SERPINB11: variants seen among roughly 807,000 people sequenced by gnomAD.
SERPINB11 encodes serpin family B member 11.
Under a neutral mutation model 36.7 loss-of-function variants are expected in SERPINB11, and 32 were observed. The observed-to-expected ratio is 0.87, with a 90% CI of 0.66 to 1.17. SERPINB11 has a LOEUF of 1.17. Ranked by LOEUF, SERPINB11 falls within the 50% of genes most tolerant of loss-of-function variation. The probability of loss-of-function intolerance (pLI) is 0.00; values close to 1 mark genes in which losing one functional copy is unlikely to be tolerated. For synonymous variants in SERPINB11, 174 were observed against 168.1 expected, an observed-to-expected ratio of 1.04 and a Z score of -0.27; for missense variants, 528 against 458.4, an observed-to-expected ratio of 1.15 and a Z score of -1.39.
rs149682913 is a variant in SERPINB11 at position 63,718,139 on chromosome 18, A to T, written c.476-1874A>T. Among the ~76,000 whole-genome samples, 59 of 152,070 alleles carry T rather than the reference A, an allele frequency of 3.9e-4. 1 individual carries two copies. In the Middle Eastern group the frequency reaches 0.014, roughly 35 times the overall value. On this transcript the variant is annotated intron_variant, in intron 5 of 7. Transcript: ENST00000544088. ...GTGTGAATCTGCTCCTAGGTTTTCCATTCTCTTTCATTCGTCAATTTGTTT... is the reference window on the plus strand; with the variant it reads ...GTGTGAATCTGCTCCTAGGTTTTCCTTTCTCTTTCATTCGTCAATTTGTTT...
chr18:63,708,083 G>A (rs1914418473), intron 1 of SERPINB11, among the ~76,000 whole-genome samples: 1 of 152,232 alleles, frequency 6.6e-6, no homozygotes, highest in African/African-American at 2.4e-5. Context: ...CCCTGAGGTT[G>A]AATGTACTTG....
chr18:63,705,272 T>A (rs1914342095), intron 1 of SERPINB11: 1 of 152,154 alleles, frequency 6.6e-6, no homozygotes, highest in African/African-American at 2.4e-5. Flanking sequence ...GACGGGGTTT[T>A]CGCCACGTTG....
intron 4 of SERPINB11, among the ~76,000 whole-genome samples, chr18:63,713,825 T>C (rs1425070551): frequency 6.6e-6 from 1 of 152,196 alleles, no homozygotes; most frequent in Non-Finnish European, 1.5e-5. Context: ...ATGATCATGA[T>C]GACATCTGTT....
chr18:63,706,887 T>C (rs1053885992), intron 1 of SERPINB11, among the ~76,000 whole-genome samples: 24 of 152,166 alleles, frequency 1.6e-4, no homozygotes. Flanking sequence ...TTAGACTAGC[T>C]ACCTCACGGA....
chr18:63,712,532 T>C (rs774746085), intron 3 of SERPINB11, 33 bp from the exon 4 acceptor site: 8 of 1,612,378 alleles, frequency 5.0e-6, no homozygotes, highest in Non-Finnish European at 5.9e-6. Context: ...TCAAGCAATT[T>C]AATACATCAT....
chr18:63,711,231 A>G (rs1319711589), intron 2 of SERPINB11, 104 bp from the exon 3 acceptor site: 11 of 795,342 alleles, frequency 1.4e-5, no homozygotes, highest in Non-Finnish European at 1.9e-5. Context: ...AGCTATCACT[A>G]CTGATCTTGA....
Position 63,723,126 on chromosome 18 carries a change from A to C in SERPINB11, c.906A>C (p.Lys302Asn), listed in dbSNP as rs566440577. The C allele has an allele frequency of 8.7e-5, 140 of 1,608,992 alleles. No homozygotes were observed. In the African/African-American group the frequency reaches 1.8e-3, roughly 20 times the overall value. Residue 302 changes from lysine to asparagine, a missense_variant, in exon 8 of 8, where the codon AAA (lysine) becomes AAC (asparagine). By Grantham distance (94) the Lys-to-Asn change is moderately conservative. Transcript: ENST00000544088. ...AGTATGAGCTAAATTCCCTGTTAAA[A>C]TCTCTAGGGGTGACAGATCTCTTCA... ...ETKYELNSLLKSLGVTDLFNQ... is the reference protein window; with the variant it reads ...ETKYELNSLLNSLGVTDLFNQ...
At chr18:63,710,990 G>A (rs1044292530) in intron 2 of SERPINB11, among the ~76,000 whole-genome samples, 5 of 152,168 alleles carry the variant, frequency 3.3e-5, no homozygotes, top group African/African-American at 1.2e-4. Context: ...CCCCAGATGG[G>A]TACTGTCTTA....
At chr18:63,718,120 A>G (rs1914715434) in intron 5 of SERPINB11, among the ~76,000 whole-genome samples, 1 of 151,976 alleles carries the variant, frequency 6.6e-6, no homozygotes, top group Non-Finnish European at 1.5e-5. Context: ...ATGTGTGTGA[A>G]TCTGCTCCTA....
At chr18:63,721,715 A>AGT (rs1485690859) in intron 7 of SERPINB11, among the ~76,000 whole-genome samples, 9 of 151,876 alleles carry the variant, frequency 5.9e-5, no homozygotes, top group Non-Finnish European at 1.3e-4. Flanking sequence ...AGGTGAGCAA[A>AGT]GTGTGTGTGT....
rs548575953 is a variant in SERPINB11 at position 63,709,590 on chromosome 18, G to C, written c.-15-589G>C. On this transcript the variant is annotated intron_variant, in intron 1 of 7. Transcript: ENST00000544088. ...CGCACCACTGCACTCCAGTCTGGGC[G>C]ACAGAGCGAGATTCTGTCTCAAAAA... 4.0e-5 allele frequency among the ~76,000 whole-genome samples: 4 copies of C among 99,828 alleles called. No homozygotes were observed. In the Admixed American group the frequency reaches 4.8e-4, roughly 12 times the overall value. 65.5% of individuals were successfully genotyped at this position (99,828 alleles called of 152,430 possible). A position where few individuals can be genotyped will look rare whatever the true frequency, so the allele number is the denominator to read the frequency against.
chr18:63,710,201 CT>C lies in SERPINB11; in HGVS notation c.9del (p.Leu4SerfsTer16). 2 of 1,604,782 alleles carry C rather than the reference CT, an allele frequency of 1.2e-6. No individual in the cohort carries two copies. Among genetic ancestry groups the C allele is most frequent in the Non-Finnish European group, 1.7e-6 (2 of 1,176,050 alleles). On this transcript the variant is annotated frameshift_variant, in exon 2 of 8. Coordinates refer to ENST00000544088, the MANE Select transcript of SERPINB11 (RefSeq NM_001370475.1). LOFTEE classifies it high-confidence loss of function. The stretch of plus-strand genomic sequence containing the variant: ...CAGGCAGTCGGCATAAAAATGGGTT[CT>C]CTCAGCACAGCTAACGTTGAATTTT... MG[S>X]LSTANVEFCL...
chr18:63,710,633 T>A (rs1447827011), intron 2 of SERPINB11, among the ~76,000 whole-genome samples: 3 of 152,210 alleles, frequency 2.0e-5, no homozygotes, highest in Non-Finnish European at 2.9e-5. Flanking sequence ...TTAGAGTCCC[T>A]TCATTCAGTG....
At chr18:63,710,093 A>T (rs1299846304) in intron 1 of SERPINB11, 86 bp from the exon 2 acceptor site, 17 of 1,115,336 alleles carry the variant, frequency 1.5e-5, no homozygotes, top group Non-Finnish European at 2.0e-5. Flanking sequence ...CCTGATACTT[A>T]AACTCATGAA....
chr18:63,716,270 A>G, intron 5 of SERPINB11, 118 bp downstream of exon 5: 1 of 561,794 alleles, frequency 1.8e-6, no homozygotes, highest in South Asian at 2.8e-5. Context: ...GATCAGCAAG[A>G]AAGGAATGGG....
intron 5 of SERPINB11, among the ~76,000 whole-genome samples, chr18:63,718,433 A>G (rs1228261810): frequency 6.6e-6 from 1 of 151,914 alleles, no homozygotes; most frequent in Non-Finnish European, 1.5e-5. Flanking sequence ...ACCTCTATAC[A>G]GGTCTTCCTT....
At chr18:63,716,378 C>T (rs190058020) in intron 5 of SERPINB11, among the ~76,000 whole-genome samples, 1 of 152,278 alleles carries the variant, frequency 6.6e-6, no homozygotes, top group African/African-American at 2.4e-5. Flanking sequence ...ATGTGTGGCA[C>T]ATTCTGCAAT....
chr18:63,709,428 G>C (rs61540377), intron 1 of SERPINB11, among the ~76,000 whole-genome samples: 3,619 of 152,054 alleles, frequency 0.024, 140 homozygotes, highest in African/African-American at 0.083. Flanking sequence ...TGGCTAACAC[G>C]GTGAAACCCC....
upstream of SERPINB11, chr18:63,702,880 G>C (rs1914274032): frequency 6.6e-6 from 1 of 151,996 alleles, no homozygotes. Context: ...CAGGTGAAGA[G>C]CTGAATCACT....
Sources: gnomAD v4.1 joint callset for allele counts (sites outside exome capture counted in the v4.1 genomes callset) on GRCh38, gnomAD v4.1.1 for gene constraint, MANE v1.5 for transcripts, NCBI Gene and HGNC (gene_info 2026-07-23, HGNC 2026-07-21) for gene names.